The following PHC3 variants were observed in gnomAD, a reference collection of about 807,000 sequenced individuals.
PHC3 encodes polyhomeotic-like protein 3.
In PHC3, 13 loss-of-function variants were observed where a neutral mutation model predicts 107.4. The observed-to-expected ratio is 0.12, with a 90% CI of 0.08 to 0.19. The LOEUF is 0.19. PHC3 is among the 10% of genes least tolerant of loss of function. The pLI, the probability that PHC3 is intolerant of heterozygous loss-of-function variation, is 1.00. For missense variants in PHC3, 992 were observed against 1,210.9 expected, an observed-to-expected ratio of 0.82 and a Z score of 2.68; for synonymous variants, 456 against 427.4, an observed-to-expected ratio of 1.07 and a Z score of -0.83.
chr3:170,135,676 T>A lies in PHC3; in HGVS notation c.919+743A>T, dbSNP rs554581285. On this transcript the variant is annotated intron_variant, in intron 7 of 14. Transcript: ENST00000495893. ...ATGTACTAAAGAAGGTCAGGAAATT[T>A]AAAAAAAAAAAGGTAGGATCAACAA... 4.1e-4 allele frequency among the ~76,000 whole-genome samples: 60 copies of A among 144,672 alleles called. No homozygotes were observed. The South Asian group carries it at 0.011, about 27-fold the overall frequency. The allele number at this position is 144,672 out of a possible 152,430, so 94.9% of individuals were successfully genotyped here.
intron 1 of PHC3, among the ~76,000 whole-genome samples, chr3:170,180,564 G>GTTT (rs199582784): frequency 2.2e-5 from 3 of 138,870 alleles, no homozygotes; most frequent in Non-Finnish European, 4.7e-5. Context: ...TTATGCTTCT[G>GTTT]TTTTTTTTTT....
chr3:170,143,716 A>C (rs755299097), intron 6 of PHC3, among the ~76,000 whole-genome samples: 11 of 152,190 alleles, frequency 7.2e-5, no homozygotes, highest in African/African-American at 1.4e-4. Flanking sequence ...TTGAGGTGTA[A>C]CTTACATACA....
rs374466752 is a variant in PHC3, at chr3:170,098,428, T to C, written c.2834-1044A>G. The stretch of plus-strand genomic sequence containing the variant: ...AGAAAAAGATAATGAAAAATGAAAA[T>C]AGTTACATTACACTTTTGGATGCCA... On this transcript the variant is annotated intron_variant, in intron 14 of 14. Coordinates refer to ENST00000495893, the MANE Select transcript of PHC3 (RefSeq NM_024947.4). Among the ~76,000 whole-genome samples, 12 of 152,190 alleles carry C rather than the reference T, an allele frequency of 7.9e-5. No homozygotes were observed. In the South Asian group the frequency reaches 1.9e-3, roughly 24 times the overall value.
At chr3:170,167,888 T>C (rs1301364781) in intron 4 of PHC3, among the ~76,000 whole-genome samples, 1 of 152,126 alleles carries the variant, frequency 6.6e-6, no homozygotes, top group Non-Finnish European at 1.5e-5. Flanking sequence ...TAGTGGCTCA[T>C]GCCTATACCA....
chr3:170,135,450 C>T (rs1232791055), intron 7 of PHC3, among the ~76,000 whole-genome samples: 1 of 140,960 alleles, frequency 7.1e-6, no homozygotes, highest in Non-Finnish European at 1.6e-5. Flanking sequence ...TGCACCCGCC[C>T]AGATTTTTTT....
chr3:170,179,858 T>A (rs1008332576), intron 1 of PHC3, among the ~76,000 whole-genome samples: 1 of 152,188 alleles, frequency 6.6e-6, no homozygotes, highest in Non-Finnish European at 1.5e-5. Flanking sequence ...GGGCCAGAAA[T>A]GTACCTCGAA....
chr3:170,134,333 G>A (rs1269133725), intron 7 of PHC3, among the ~76,000 whole-genome samples: 1 of 151,854 alleles, frequency 6.6e-6, no homozygotes, highest in African/African-American at 2.4e-5. Flanking sequence ...GGGACTACAG[G>A]TGCCGGCCAC....
chr3:170,180,978 C>A (rs1197803229), intron 1 of PHC3, among the ~76,000 whole-genome samples: 1 of 152,264 alleles, frequency 6.6e-6, no homozygotes, highest in Admixed American at 6.5e-5. Flanking sequence ...GCCAGCAGTT[C>A]TGGTGCACAA....
intron 4 of PHC3, among the ~76,000 whole-genome samples, chr3:170,153,290 C>T (rs894668274): frequency 1.3e-5 from 2 of 152,126 alleles, no homozygotes; most frequent in African/African-American, 4.8e-5. Context: ...GTTTCTAATA[C>T]ATCTTTTTGT....
At chr3:170,127,032 T>C (rs906764064) in intron 8 of PHC3, among the ~76,000 whole-genome samples, 1 of 152,036 alleles carries the variant, frequency 6.6e-6, no homozygotes, top group Non-Finnish European at 1.5e-5. Context: ...CTGAACTAGG[T>C]AGTGAGAAAG....
intron 4 of PHC3, among the ~76,000 whole-genome samples, chr3:170,164,091 A>G (rs1728347185): frequency 6.6e-6 from 1 of 151,718 alleles, no homozygotes; most frequent in Non-Finnish European, 1.5e-5. Context: ...AGTCCCAACT[A>G]CTCAGTAGGC....
intron 4 of PHC3, among the ~76,000 whole-genome samples, chr3:170,158,223 A>G (rs1727205419): frequency 6.6e-6 from 1 of 152,202 alleles, no homozygotes; most frequent in Non-Finnish European, 1.5e-5. Flanking sequence ...AAAAAGAAAA[A>G]AGAGTCTTCA....
rs1221649892 is a variant in PHC3, at chr3:170,095,408, ACATT to A, written c.*1818_*1821del. 2 of 152,160 alleles carry A rather than the reference ACATT, an allele frequency of 1.3e-5. No individual in the cohort carries two copies. Among genetic ancestry groups the A allele is most frequent in the East Asian group, 1.9e-4 (1 of 5,204 alleles). The allele number at this position is 152,160 out of a possible 1,614,324, so 9.4% of individuals were successfully genotyped here. On this transcript the variant is annotated 3_prime_UTR_variant, in exon 15 of 15. Transcript: ENST00000495893. ...CTACACAAAGAATTCCACAAAGCATACATTCAAACAAGAGGCATCTAAAGATTAA... is the reference window on the plus strand; with the variant it reads ...CTACACAAAGAATTCCACAAAGCATACAAACAAGAGGCATCTAAAGATTAA...
chr3:170,154,961 A>G lies in PHC3; in HGVS notation c.415-5717T>C, dbSNP rs146350325. On this transcript the variant is annotated intron_variant, in intron 4 of 14. Transcript: ENST00000495893. ...TAATTTCTCTGTCAGTTCCATCCCA[A>G]CACTCCTAATTCCCTTTCACTGAAG... Among the ~76,000 whole-genome samples, 7 of 152,212 alleles carry G rather than the reference A, an allele frequency of 4.6e-5. No homozygotes were observed. In the East Asian group the frequency reaches 1.2e-3, roughly 25 times the overall value.
At chr3:170,175,897 G>A (rs537674388) in intron 2 of PHC3, among the ~76,000 whole-genome samples, 27 of 139,962 alleles carry the variant, frequency 1.9e-4, no homozygotes, top group Non-Finnish European at 2.9e-4. Context: ...GCACTCCAGC[G>A]TGGGCTACAG....
chr3:170,121,478 T>C (rs928575384), intron 9 of PHC3, among the ~76,000 whole-genome samples: 4 of 152,212 alleles, frequency 2.6e-5, no homozygotes, highest in African/African-American at 9.7e-5. Context: ...GGATATTTGT[T>C]TGAACTCATA....
At chr3:170,134,432 T>A (rs1722740760) in intron 7 of PHC3, among the ~76,000 whole-genome samples, 1 of 152,208 alleles carries the variant, frequency 6.6e-6, no homozygotes, top group South Asian at 2.1e-4. Context: ...TGAGGTGATC[T>A]GCCCTCCTCA....
At chr3:170,122,229 T>G (rs557784339) in intron 9 of PHC3, among the ~76,000 whole-genome samples, 30 of 152,318 alleles carry the variant, frequency 2.0e-4, no homozygotes, top group Non-Finnish European at 3.4e-4. Context: ...AGACTGACCC[T>G]GTCTCAAAAA....
intron 12 of PHC3, among the ~76,000 whole-genome samples, chr3:170,103,656 T>C (rs1715909255): frequency 6.6e-6 from 1 of 152,212 alleles, no homozygotes; most frequent in South Asian, 2.1e-4. Context: ...TGGCAAACTT[T>C]TTCTACAAAG....
Sources: allele counts gnomAD v4.1 joint callset (sites outside exome capture counted in the v4.1 genomes callset), GRCh38; gene constraint gnomAD v4.1.1; transcripts MANE v1.5; gene names NCBI Gene and HGNC (gene_info 2026-07-23, HGNC 2026-07-21).